Variants in CDH18 observed in about 807,000 individuals in gnomAD.
The protein encoded by CDH18 is cadherin-18.
In CDH18, 31 loss-of-function variants were observed where a neutral mutation model predicts 67.9. The observed-to-expected ratio is 0.46, with a 90% CI of 0.34 to 0.62. The LOEUF (loss-of-function observed/expected upper bound fraction) is 0.62. CDH18 is among the 20% of genes least tolerant of loss of function. The probability of loss-of-function intolerance (pLI) is 0.01; values close to 1 mark genes in which losing one functional copy is unlikely to be tolerated. For synonymous variants in CDH18, 362 were observed against 347.2 expected (o/e 1.04, Z -0.48); for missense variants, 890 against 975.5 (o/e 0.91, Z 1.17).
intron 1 of CDH18, among the ~76,000 whole-genome samples, chr5:20,461,276 G>A (rs985411377): frequency 6.6e-6 from 1 of 152,072 alleles, no homozygotes; most frequent in African/African-American, 2.4e-5. Flanking sequence ...AACTCCTGTT[G>A]GTGATCTTGT....
chr5:20,407,995 G>A (rs56138247), intron 1 of CDH18, among the ~76,000 whole-genome samples: 11,071 of 151,930 alleles, frequency 0.073, 471 homozygotes, highest in African/African-American at 0.11. Context: ...AAGATAAGAA[G>A]ATATATTTGA....
chr5:19,675,461 T>C (rs536144324), intron 5 of CDH18, among the ~76,000 whole-genome samples: 36 of 152,138 alleles, frequency 2.4e-4, no homozygotes, highest in African/African-American at 8.2e-4. Flanking sequence ...GGCCTCCCCT[T>C]AGGAACGCAT....
chr5:19,475,100 G>A (rs1738215216), intron 12 of CDH18, among the ~76,000 whole-genome samples: 1 of 151,516 alleles, frequency 6.6e-6, no homozygotes, highest in Non-Finnish European at 1.5e-5. Flanking sequence ...AATCAGGGAG[G>A]TACATTCGAT....
At chr5:20,419,586 C>CAAGTCTTTGCTA (rs1560983980) in intron 1 of CDH18, among the ~76,000 whole-genome samples, 1 of 147,530 alleles carries the variant, frequency 6.8e-6, no homozygotes, top group African/African-American at 2.5e-5. Context: ...CGCTATTCTC[C>CAAGTCTTTGCTA]TGCCTCAGCT....
chr5:20,276,069 T>A (rs1745787853), intron 1 of CDH18, among the ~76,000 whole-genome samples: 1 of 152,160 alleles, frequency 6.6e-6, no homozygotes, highest in South Asian at 2.1e-4. Flanking sequence ...TGCGATAAAT[T>A]GCTCTGAGGT....
chr5:20,467,998 T>TTATG, intron 1 of CDH18, among the ~76,000 whole-genome samples: 1 of 118,234 alleles, frequency 8.5e-6, no homozygotes, highest in Non-Finnish European at 1.8e-5. Context: ...ATTTATGTAT[T>TTATG]TATTTATGTA....
At chr5:19,623,683 AT>A (rs1751054154) in intron 5 of CDH18, among the ~76,000 whole-genome samples, 1 of 151,878 alleles carries the variant, frequency 6.6e-6, no homozygotes, top group African/African-American at 2.4e-5. Flanking sequence ...GAGAAAGGGT[AT>A]TTAATATGAA....
intron 2 of CDH18, among the ~76,000 whole-genome samples, chr5:20,016,900 G>A (rs1237197794): frequency 6.6e-6 from 1 of 152,058 alleles, no homozygotes; most frequent in African/African-American, 2.4e-5. Flanking sequence ...AGAGAAAACA[G>A]CAATTCAAAA....
At chr5:19,957,797 A>G (rs529640012) in intron 2 of CDH18, among the ~76,000 whole-genome samples, 2 of 152,066 alleles carry the variant, frequency 1.3e-5, no homozygotes, top group South Asian at 2.1e-4. Context: ...GTACAATAGA[A>G]GACTATTTAT....
intron 3 of CDH18, among the ~76,000 whole-genome samples, chr5:19,828,458 G>GATAAATTT (rs1305152933): frequency 1.3e-5 from 2 of 151,868 alleles, no homozygotes; most frequent in East Asian, 3.9e-4. Context: ...CAATATTCTT[G>GATAAATTT]ATAAATTTAT....
At chr5:19,769,045 C>CA (rs1163329117) in intron 3 of CDH18, among the ~76,000 whole-genome samples, 2 of 151,200 alleles carry the variant, frequency 1.3e-5, no homozygotes, top group Admixed American at 6.6e-5. Flanking sequence ...AAAAGAATGA[C>CA]AAAAAAATAA....
chr5:20,500,116 T>A (rs1249015561), intron 1 of CDH18, among the ~76,000 whole-genome samples: 3 of 152,140 alleles, frequency 2.0e-5, no homozygotes, highest in African/African-American at 7.2e-5. Flanking sequence ...TTGTAAAAAA[T>A]AATTACTGTG....
At chr5:20,267,845 T>C (rs779162626) in intron 1 of CDH18, among the ~76,000 whole-genome samples, 1 of 152,176 alleles carries the variant, frequency 6.6e-6, no homozygotes, top group Non-Finnish European at 1.5e-5. Context: ...TGCAGGTTAG[T>C]TGCATGAGTA....
chr5:20,484,052 A>G (rs1752999608), intron 1 of CDH18, among the ~76,000 whole-genome samples: 1 of 152,022 alleles, frequency 6.6e-6, no homozygotes, highest in Non-Finnish European at 1.5e-5. Flanking sequence ...GATTAATAAC[A>G]AGAATATATA....
At chr5:20,186,942 C>T (rs989374698) in intron 2 of CDH18, among the ~76,000 whole-genome samples, 1 of 151,848 alleles carries the variant, frequency 6.6e-6, no homozygotes, top group Non-Finnish European at 1.5e-5. Flanking sequence ...TGTATATGTA[C>T]AAGGCACTAT....
chr5:19,819,493 C>T (rs112250749), intron 3 of CDH18, among the ~76,000 whole-genome samples: 130 of 152,206 alleles, frequency 8.5e-4, no homozygotes, highest in African/African-American at 3.0e-3. Context: ...AGCTAGGAAG[C>T]CTATATGGAG....
At chr5:19,726,658 T>C (rs140671034) in intron 4 of CDH18, among the ~76,000 whole-genome samples, 14 of 152,300 alleles carry the variant, frequency 9.2e-5, no homozygotes, top group African/African-American at 3.4e-4. Flanking sequence ...GAAAAATATA[T>C]TCGTATCTTA....
Position 19,473,360 on chromosome 5 carries a change from C to T in CDH18, c.2239G>A (p.Ala747Thr). ...TYAYEGQRSEAGSISSLDSAT... is the reference protein window; with the variant it reads ...TYAYEGQRSETGSISSLDSAT... Reference sequence around the variant, plus strand: ...GAATCCAGCGAGCTGATAGACCCAGCTTCTGATCTCTGACCCTCATAGGCA... The same window carrying T: ...GAATCCAGCGAGCTGATAGACCCAGTTTCTGATCTCTGACCCTCATAGGCA... The change falls in exon 13 of 13, where the codon GCT becomes ACT. Residue 747 changes from alanine to threonine, a missense_variant. Physicochemically the swap from Ala to Thr is moderately conservative, Grantham distance 58 (BLOSUM62 0). Transcript: ENST00000382275. 1.9e-6 allele frequency: 3 copies of T among 1,613,920 alleles called. No individual in the cohort carries two copies. The highest frequency in any genetic ancestry group is 1.1e-5 in the South Asian group (1 of 91,078).
At chr5:20,228,765 C>T (rs1741836382) in intron 2 of CDH18, among the ~76,000 whole-genome samples, 2 of 152,100 alleles carry the variant, frequency 1.3e-5, no homozygotes, top group Non-Finnish European at 2.9e-5. Context: ...CCTCCACATT[C>T]ACCTATGTTG....
Sources: allele counts gnomAD v4.1 joint callset (sites outside exome capture counted in the v4.1 genomes callset), GRCh38; gene constraint gnomAD v4.1.1; transcripts MANE v1.5; gene names NCBI Gene and HGNC (gene_info 2026-07-23, HGNC 2026-07-21).